KPNA2: variants seen among roughly 807,000 people sequenced by gnomAD.
KPNA2 encodes the protein importin subunit alpha-1.
KPNA2 carries 20 observed loss-of-function variants against 53.7 expected under a neutral mutation model. The observed-to-expected ratio is 0.37, with a 90% CI of 0.26 to 0.54. The LOEUF (loss-of-function observed/expected upper bound fraction) is 0.54. KPNA2 is among the 20% of genes least tolerant of loss of function. The pLI is 0.83. For missense variants in KPNA2, 515 were observed against 640.3 expected, an observed-to-expected ratio of 0.80 and a Z score of 2.11; for synonymous variants, 238 against 227.5, an observed-to-expected ratio of 1.05 and a Z score of -0.42.
At position 68,039,870 on chromosome 17, in the gene KPNA2, C is replaced by T. The variant is rs1399012619; in HGVS notation, c.214-808C>T. Among the ~76,000 whole-genome samples, 5 of 148,130 alleles carry T rather than the reference C, an allele frequency of 3.4e-5. No individual in the cohort carries two copies. In the East Asian group the frequency reaches 6.0e-4, roughly 18 times the overall value. ...GGTGGATCACCTGAGGTTGGCAGTT[C>T]GAGACCAGCCTGACCAACATGGAGA... On this transcript the variant is annotated intron_variant, in intron 3 of 10. Transcript: ENST00000330459.
intron 4 of KPNA2, among the ~76,000 whole-genome samples, chr17:68,041,713 A>T (rs1403522936): frequency 6.6e-6 from 1 of 152,162 alleles, no homozygotes; most frequent in Non-Finnish European, 1.5e-5. Flanking sequence ...GTGGAGTGAG[A>T]TCCTATTTCA....
At chr17:68,046,202 GT>G (rs2071328444) in intron 10 of KPNA2, among the ~76,000 whole-genome samples, 2 of 152,134 alleles carry the variant, frequency 1.3e-5, no homozygotes, top group Admixed American at 1.3e-4. Flanking sequence ...ATTGTAGGAG[GT>G]GATAGAGAAG....
At chr17:68,043,654 C>G (rs547558073) in intron 7 of KPNA2, among the ~76,000 whole-genome samples, 184 bp from the exon 8 acceptor site, 213 of 146,978 alleles carry the variant, frequency 1.4e-3, no homozygotes, top group African/African-American at 5.3e-3. Context: ...TGCAGTGACC[C>G]GAAATCGTGC....
At chr17:68,045,183 T>C in intron 9 of KPNA2, among the ~76,000 whole-genome samples, 1 of 152,200 alleles carries the variant, frequency 6.6e-6, no homozygotes, top group East Asian at 1.9e-4. Context: ...TGGCCAGTAT[T>C]TCTTCTTCCC....
chr17:68,046,050 C>G (rs1374403267), intron 10 of KPNA2, 129 bp downstream of exon 10: 1 of 568,386 alleles, frequency 1.8e-6, no homozygotes, highest in African/African-American at 1.9e-5. Context: ...GTGCATGGGA[C>G]ATAATGTACT....
intron 3 of KPNA2, among the ~76,000 whole-genome samples, chr17:68,040,286 G>A (rs1555704352): frequency 2.2e-5 from 2 of 92,368 alleles, no homozygotes; most frequent in African/African-American, 9.1e-5. Flanking sequence ...TTTTTTTGTT[G>A]GGAGGTCTCA....
At chr17:68,039,133 T>G (rs1256129422) in intron 3 of KPNA2, among the ~76,000 whole-genome samples, 3 of 152,120 alleles carry the variant, frequency 2.0e-5, no homozygotes, top group Admixed American at 2.0e-4. Context: ...CTTTTTTTTT[T>G]GTTTTGAGAC....
intron 10 of KPNA2, among the ~76,000 whole-genome samples, chr17:68,046,131 T>G (rs1327540610): frequency 2.0e-5 from 3 of 152,216 alleles, no homozygotes; most frequent in African/African-American, 7.2e-5. Context: ...GCCACCAGAT[T>G]AGTTTCAAAT....
Position 68,043,115 on chromosome 17 carries a change from A to C in KPNA2, c.682A>C (p.Asn228His). The C allele has an allele frequency of 6.2e-7, 1 of 1,614,072 alleles. No homozygotes were observed. The highest frequency in any genetic ancestry group is 1.6e-4 in the Middle Eastern group (1 of 6,062). ...MSSLACGYLR[N>H]LTWTLSNLCR... ...TTTCCCCCAGTGTGGCTACTTACGT[A>C]ATCTTACCTGGACACTTTCTAATCT... The change falls in exon 7 of 11, where the codon AAT becomes CAT. Residue 228 changes from asparagine (N) to histidine (H), a missense_variant. Physicochemically the swap from Asn to His is moderately conservative, Grantham distance 68 (BLOSUM62 1). Transcript: ENST00000330459.
At chr17:68,045,261 C>T (rs1369222776) in intron 9 of KPNA2, among the ~76,000 whole-genome samples, 2 of 152,038 alleles carry the variant, frequency 1.3e-5, no homozygotes, top group African/African-American at 2.4e-5. Context: ...TTATGTATCT[C>T]TTTAAGGTTG....
rs1443594499 is a variant in KPNA2 at position 68,042,188 on chromosome 17, A to G, written c.406A>G (p.Ile136Val). The part of the protein sequence containing the change: ...SFLGRTDCSP[I>V]QFESAWALTN... ...CTTGGGCAGAACTGATTGTAGTCCC[A>G]TTCAGTTTGAATCTGCTTGGGCACT... Residue 136 changes from isoleucine (I) to valine (V), a missense_variant, in exon 5 of 11, where the codon ATT (isoleucine) becomes GTT (valine). Transcript: ENST00000330459. 1 of 1,613,910 alleles carries G rather than the reference A, an allele frequency of 6.2e-7. No individual in the cohort carries two copies. The highest frequency in any genetic ancestry group is 8.5e-7 in the Non-Finnish European group (1 of 1,179,902).
At position 68,040,866 on chromosome 17, in the gene KPNA2, GA is replaced by G. The variant is rs376709775; in HGVS notation, c.302+103del. On this transcript the variant is annotated intron_variant, in intron 4 of 10. Coordinates refer to ENST00000330459, the MANE Select transcript of KPNA2 (RefSeq NM_002266.4). ...GGAAGGGACAGACAGATAGTACAAG[GA>G]AAGATTAGGCCAGCCAGCCATAAGC... 1.3e-3 allele frequency: 948 copies of G among 737,100 alleles called. 10 individuals carry two copies. In the African/African-American group the frequency reaches 0.015, roughly 12 times the overall value. The allele number at this position is 737,100 out of a possible 1,614,324, so 45.7% of individuals were successfully genotyped here.
intron 3 of KPNA2, among the ~76,000 whole-genome samples, chr17:68,037,767 TCC>T (rs2071207548): frequency 6.6e-6 from 1 of 151,942 alleles, no homozygotes. Flanking sequence ...GACCAGTGTG[TCC>T]AGAGCCAGCC....
In KPNA2 at chr17:68,044,068, TAAGGTAACG is replaced by T; in HGVS notation, c.1164+1_1164+9del. On this transcript the variant is annotated splice_donor_variant and splice_donor_5th_base_variant and coding_sequence_variant and intron_variant, in exon 8 of 11. Coordinates refer to ENST00000330459, the MANE Select transcript of KPNA2 (RefSeq NM_002266.4). LOFTEE classifies it high-confidence loss of function. The stretch of plus-strand genomic sequence containing the variant: ...TCCCATTCCTTGTCAGTGTTCTCTC[TAAGGTAACG>T]AAGTCTTAGGATTTAATCAAGTCAT... 1 of 1,605,656 alleles carries T rather than the reference TAAGGTAACG, an allele frequency of 6.2e-7. No homozygotes were observed. Among genetic ancestry groups the T allele is most frequent in the South Asian group, 1.1e-5 (1 of 90,928 alleles).
rs1555704426 is a variant in KPNA2, at chr17:68,040,686, AAATT to A, written c.223_226del (p.Asn75GlyfsTer10). ...TTTCACTTTTCTTCTAGGGCACTGT[AAATT>A]GGTCTGTTGATGACATTGTCAAAGG... is the stretch of plus-strand genomic sequence containing the variant. On this transcript the variant is annotated frameshift_variant, in exon 4 of 11. Transcript: ENST00000330459. LOFTEE classifies it high-confidence loss of function. The A allele has an allele frequency of 1.2e-5, 20 of 1,609,946 alleles. No homozygotes were observed. The highest frequency in any genetic ancestry group is 1.7e-5 in the Non-Finnish European group (20 of 1,176,580).
intron 4 of KPNA2, 24 bp from the exon 5 acceptor site, chr17:68,042,057 TTTTA>T: frequency 2.5e-6 from 4 of 1,583,820 alleles, no homozygotes; most frequent in Non-Finnish European, 1.7e-6. Context: ...CACTGTCAAC[TTTTA>T]TTTCTCTTTT....
intron 5 of KPNA2, 50 bp downstream of exon 5, chr17:68,042,403 T>C: frequency 1.3e-6 from 2 of 1,576,838 alleles, no homozygotes; most frequent in African/African-American, 1.4e-5. Context: ...TCGTAATTAG[T>C]TGGAAGAAAG....
At chr17:68,037,549 G>A (rs1555703962) in intron 3 of KPNA2, 54 bp downstream of exon 3, 1 of 1,529,888 alleles carries the variant, frequency 6.5e-7, no homozygotes, top group East Asian at 2.3e-5. Flanking sequence ...AATCAGTAGG[G>A]ACTTTTCTTA....
chr17:68,043,235 T>G lies in KPNA2; in HGVS notation c.802T>G (p.Leu268Val), dbSNP rs1555704903. 1 of 1,614,166 alleles carries G rather than the reference T, an allele frequency of 6.2e-7. No homozygotes were observed. The highest frequency in any genetic ancestry group is 1.1e-5 in the South Asian group (1 of 91,084). The stretch of plus-strand genomic sequence containing the variant: ...CCTGCATCATGATGATCCAGAAGTA[T>G]TAGCAGATACCTGCTGGGCTATTTC... ...RLLHHDDPEVLADTCWAISYL... is the reference protein window; with the variant it reads ...RLLHHDDPEVVADTCWAISYL... Residue 268 changes from leucine (L) to valine (V), a missense_variant, in exon 7 of 11, where the codon TTA (leucine) becomes GTA (valine). Transcript: ENST00000330459.
Sources: allele counts gnomAD v4.1 joint callset (sites outside exome capture counted in the v4.1 genomes callset), GRCh38; gene constraint gnomAD v4.1.1; transcripts MANE v1.5; gene names NCBI Gene and HGNC (gene_info 2026-07-23, HGNC 2026-07-21).